The following CCDC91 variants were observed in gnomAD, a reference collection of about 807,000 sequenced individuals.
CCDC91 encodes coiled-coil domain containing 91, also known as coiled-coil domain-containing protein 91.
In CCDC91, 48 loss-of-function variants were observed where a neutral mutation model predicts 63.2. That is an observed-to-expected ratio of 0.76 (90% CI 0.60 to 0.97). CCDC91 has a LOEUF of 0.97. Ranked by LOEUF, CCDC91 falls within the 50% of genes least tolerant of loss-of-function variation. The pLI is 0.00. For synonymous variants in CCDC91, 167 were observed against 165.8 expected, an observed-to-expected ratio of 1.01 and a Z score of -0.06; for missense variants, 500 against 494.6, an observed-to-expected ratio of 1.01 and a Z score of -0.10.
At chr12:28,337,981 G>A (rs930886768) in intron 6 of CCDC91, among the ~76,000 whole-genome samples, 7 of 152,116 alleles carry the variant, frequency 4.6e-5, no homozygotes, top group African/African-American at 1.7e-4. Flanking sequence ...ATGAGCACCA[G>A]CTCACCAGAT....
intron 3 of CCDC91, among the ~76,000 whole-genome samples, chr12:28,276,659 C>A (rs1439166097): frequency 6.6e-6 from 1 of 151,762 alleles, no homozygotes; most frequent in African/African-American, 2.4e-5. Flanking sequence ...GGTCTTGGGG[C>A]AAATGATTTT....
chr12:28,384,300 G>A (rs1158424457), intron 7 of CCDC91, among the ~76,000 whole-genome samples: 1 of 152,062 alleles, frequency 6.6e-6, no homozygotes, highest in African/African-American at 2.4e-5. Flanking sequence ...AGTACTGCTT[G>A]CAAGAACATG....
intron 8 of CCDC91, among the ~76,000 whole-genome samples, chr12:28,420,757 G>GT (rs575991136): frequency 0.061 from 8,670 of 142,018 alleles, 312 homozygotes; most frequent in African/African-American, 0.11. Context: ...GCATTTTATG[G>GT]TTTTTTTTTT....
At chr12:28,483,970 A>G (rs1219970590) in intron 11 of CCDC91, 82 bp from the exon 12 acceptor site, 6 of 703,648 alleles carry the variant, frequency 8.5e-6, no homozygotes, top group Non-Finnish European at 1.5e-5. Context: ...CCCGCTGAAG[A>G]GGATGTTTAG....
chr12:28,390,525 T>C (rs963103678), intron 7 of CCDC91, among the ~76,000 whole-genome samples: 7 of 152,156 alleles, frequency 4.6e-5, no homozygotes, highest in African/African-American at 1.7e-4. Flanking sequence ...AAGATGATAA[T>C]ATTCTAAGCA....
chr12:28,484,077 A>G lies in CCDC91; in HGVS notation c.1127A>G (p.Glu376Gly), dbSNP rs1566046958. The G allele has an allele frequency of 6.2e-7, 1 of 1,611,424 alleles. No individual in the cohort carries two copies. The highest frequency in any genetic ancestry group is 1.1e-5 in the South Asian group (1 of 90,662). The change falls in exon 12 of 13, where the codon GAA becomes GGA. Residue 376 changes from glutamate (E) to glycine (G), a missense_variant. By Grantham distance (98) the Glu-to-Gly change is moderately conservative. Coordinates refer to ENST00000536442, the MANE Select transcript of CCDC91 (RefSeq NM_018318.5). ...GAAACTGTTAAGGCAGCAATAATAG[A>G]AGAGCAGAAACGAAGTGAAAAGGCT... ...SQETVKAAII[E>G]EQKRSEKAVE...
chr12:28,395,238 G>A (rs1208632106), intron 8 of CCDC91, among the ~76,000 whole-genome samples: 5 of 152,172 alleles, frequency 3.3e-5, no homozygotes, highest in Admixed American at 3.3e-4. Context: ...GACACCAGAT[G>A]TGTGGGAGTT....
At chr12:28,422,599 A>T (rs1247809700) in intron 8 of CCDC91, among the ~76,000 whole-genome samples, 1 of 152,108 alleles carries the variant, frequency 6.6e-6, no homozygotes, top group Non-Finnish European at 1.5e-5. Flanking sequence ...AAATGTATAT[A>T]GTTATATGTT....
In CCDC91 at chr12:28,503,246, C is replaced by A. The variant is rs548796765; in HGVS notation, c.1215+19081C>A. Among the ~76,000 whole-genome samples, 4 of 151,938 alleles carry A rather than the reference C, an allele frequency of 2.6e-5. No individual in the cohort carries two copies. In the East Asian group the frequency reaches 5.8e-4, roughly 22 times the overall value. ...TCCAACAAATTTACAAGAAAAAAAA[C>A]AAACAACCCCATCAAAAAGTGGGCG... On this transcript the variant is annotated intron_variant, in intron 12 of 12. Transcript: ENST00000536442.
chr12:28,440,921 G>A (rs1374443324), intron 8 of CCDC91, among the ~76,000 whole-genome samples: 3 of 151,614 alleles, frequency 2.0e-5, no homozygotes, highest in African/African-American at 7.3e-5. Context: ...AGCCAGGCGT[G>A]GTGGTGTGCA....
At chr12:28,521,479 C>A (rs1433419179) in intron 12 of CCDC91, among the ~76,000 whole-genome samples, 1 of 152,082 alleles carries the variant, frequency 6.6e-6, no homozygotes, top group Non-Finnish European at 1.5e-5. Context: ...GGGGCTGAGA[C>A]GACGTGGTTT....
chr12:28,436,559 C>G (rs567291096), intron 8 of CCDC91, among the ~76,000 whole-genome samples: 2 of 151,622 alleles, frequency 1.3e-5, no homozygotes, highest in African/African-American at 4.8e-5. Flanking sequence ...AAAATTTTAC[C>G]TACACTTATT....
intron 7 of CCDC91, among the ~76,000 whole-genome samples, chr12:28,389,583 T>C (rs1945813238): frequency 1.3e-5 from 2 of 152,060 alleles, no homozygotes; most frequent in African/African-American, 4.8e-5. Context: ...GAGAATATTA[T>C]TTTATTTTAT....
chr12:28,251,412 ATTTAT>A (rs1946109221), intron 1 of CCDC91, among the ~76,000 whole-genome samples: 1 of 152,000 alleles, frequency 6.6e-6, no homozygotes, highest in Non-Finnish European at 1.5e-5. Flanking sequence ...AAAAATCCTA[ATTTAT>A]TTGTTGAGTA....
At chr12:28,280,432 T>G (rs1310036038) in intron 3 of CCDC91, among the ~76,000 whole-genome samples, 1 of 152,108 alleles carries the variant, frequency 6.6e-6, no homozygotes, top group East Asian at 1.9e-4. Context: ...AATACTGCAT[T>G]TACAACATGA....
intron 8 of CCDC91, among the ~76,000 whole-genome samples, chr12:28,444,453 C>T (rs759927813): frequency 3.3e-5 from 5 of 152,100 alleles, no homozygotes; most frequent in East Asian, 1.9e-4. Context: ...ATATAAGTCC[C>T]GCGGAGGTAC....
intron 3 of CCDC91, among the ~76,000 whole-genome samples, chr12:28,285,141 G>A (rs1323164722): frequency 1.3e-5 from 2 of 152,120 alleles, no homozygotes; most frequent in African/African-American, 4.8e-5. Context: ...AAATGGAGAG[G>A]ATTGAAATGG....
chr12:28,259,493 A>G, intron 3 of CCDC91, 51 bp downstream of exon 3: 1 of 1,216,454 alleles, frequency 8.2e-7, no homozygotes, highest in Non-Finnish European at 1.2e-6. Flanking sequence ...CCCATGTAAC[A>G]TTTTTGGCAA....
At chr12:28,319,175 G>A (rs1940219610) in intron 6 of CCDC91, among the ~76,000 whole-genome samples, 1 of 151,872 alleles carries the variant, frequency 6.6e-6, no homozygotes, top group Non-Finnish European at 1.5e-5. Context: ...CAAGTAAACT[G>A]TTTCGGTGAA....
Sources: gnomAD v4.1 joint callset for allele counts (sites outside exome capture counted in the v4.1 genomes callset) on GRCh38, gnomAD v4.1.1 for gene constraint, MANE v1.5 for transcripts, NCBI Gene and HGNC (gene_info 2026-07-23, HGNC 2026-07-21) for gene names.